The following NCOA3 variants were observed in gnomAD, a reference collection of about 807,000 sequenced individuals.
The protein encoded by NCOA3 is nuclear receptor coactivator 3, also known as CBP-interacting protein.
In NCOA3, 51 loss-of-function variants were observed where a neutral mutation model predicts 158.8. That is an observed-to-expected ratio of 0.32 (90% CI 0.26 to 0.41). The LOEUF is 0.41. NCOA3 is among the 10% of genes least tolerant of loss of function. The pLI, the probability that NCOA3 is intolerant of heterozygous loss-of-function variation, is 1.00. For synonymous variants in NCOA3, 537 were observed against 592.4 expected (o/e 0.91, Z 1.36); for missense variants, 1,510 against 1,746.6 (o/e 0.86, Z 2.41).
chr20:47,568,503 T>A (rs763122892), intron 1 of NCOA3, among the ~76,000 whole-genome samples: 3 of 152,194 alleles, frequency 2.0e-5, no homozygotes, highest in Non-Finnish European at 2.9e-5. Context: ...TATACCTTAA[T>A]TAAAAAAATA....
chr20:47,635,435 T>C lies in NCOA3; in HGVS notation c.1226T>C (p.Leu409Ser), dbSNP rs553781190. Residue 409 changes from leucine to serine, a missense_variant, in exon 11 of 23, where the codon TTA becomes TCA. Coordinates refer to ENST00000371998, the MANE Select transcript of NCOA3 (RefSeq NM_181659.3). ...GGMSMSPNQGLQMPSSRAYGL... is the reference protein window; with the variant it reads ...GGMSMSPNQGSQMPSSRAYGL... ...ATGAGTATGTCGCCAAACCAAGGCTTACAGATGCCGAGCAGCAGGGCCTAT... is the reference window on the plus strand; with the variant it reads ...ATGAGTATGTCGCCAAACCAAGGCTCACAGATGCCGAGCAGCAGGGCCTAT... The C allele has an allele frequency of 2.5e-6, 4 of 1,614,104 alleles. No individual in the cohort carries two copies. The South Asian group carries it at 3.3e-5, about 13-fold the overall frequency.
Position 47,655,400 on chromosome 20 carries a change from T to G in NCOA3, c.*1983T>G, listed in dbSNP as rs1410697952. The G allele has an allele frequency of 1.3e-5, 2 of 152,208 alleles. No individual in the cohort carries two copies. The highest frequency in any genetic ancestry group is 4.8e-5 in the African/African-American group (2 of 41,448). 9.4% of individuals were successfully genotyped at this position (152,208 alleles called of 1,614,324 possible). A position where few individuals can be genotyped will look rare whatever the true frequency, so the allele number is the denominator to read the frequency against. On this transcript the variant is annotated 3_prime_UTR_variant, in exon 23 of 23. Coordinates refer to ENST00000371998, the MANE Select transcript of NCOA3 (RefSeq NM_181659.3). ...TTAAGAATTTCACACATTTAGCCAA[T>G]CTTTCTAGATGTCTCTGAAGGTAAG...
At position 47,652,963 on chromosome 20, in the gene NCOA3, G is replaced by A; in HGVS notation, c.4154G>A (p.Gly1385Glu). The change falls in exon 22 of 23, where the codon GGG (glycine) becomes GAG (glutamate). Residue 1385 changes from glycine to glutamate, a missense_variant. By Grantham distance (98) the Gly-to-Glu change is moderately conservative (BLOSUM62 -2). This residue lies in a region of NCOA3 where 180 missense variants were observed against 199.3 expected (regional missense o/e 0.90). Transcript: ENST00000371998. Reference sequence around the variant, plus strand: ...TCCCAGCAGCAGTTTGCCCACCAGGGGAATCCTGCAGTGTATAGTATGGTG... The same window carrying A: ...TCCCAGCAGCAGTTTGCCCACCAGGAGAATCCTGCAGTGTATAGTATGGTG... ...SFSQQQFAHQ[G>E]NPAVYSMVHM... is the part of the protein sequence containing the mutation. 6.2e-7 allele frequency: 1 copy of A among 1,614,138 alleles called. No individual in the cohort carries two copies. Among genetic ancestry groups the A allele is most frequent in the Non-Finnish European group, 8.5e-7 (1 of 1,180,010 alleles).
chr20:47,511,550 T>TATATATATATATATATATATATACATAC lies in NCOA3; in HGVS notation c.-99+9537_-99+9538insATATATATATATATATACATACATATAT. ...ATATATATATATATATATATATATA[T>TATATATATATATATATATATATACATAC]ATATATTTCTTTTTTTTTTTGAGAC... On this transcript the variant is annotated intron_variant, in intron 1 of 22. Coordinates refer to ENST00000371998, the MANE Select transcript of NCOA3 (RefSeq NM_181659.3). 2.5e-3 allele frequency among the ~76,000 whole-genome samples: 132 copies of TATATATATATATATATATATATACATAC among 52,230 alleles called. 11 individuals carry two copies. Among genetic ancestry groups the TATATATATATATATATATATATACATAC allele is most frequent in the Non-Finnish European group, 4.1e-3 (104 of 25,078 alleles). 34.3% of individuals were successfully genotyped at this position (52,230 alleles called of 152,430 possible). A position where few individuals can be genotyped will look rare whatever the true frequency, so the allele number is the denominator to read the frequency against.
At chr20:47,641,490 CTTTTTTTTTTTTTTTTTTTT>C (rs71183270) in intron 16 of NCOA3, among the ~76,000 whole-genome samples, 1 of 48,342 alleles carries the variant, frequency 2.1e-5, no homozygotes, top group African/African-American at 1.2e-4. Context: ...TGGCTCCCTT[CTTTTTTTTTTTTTTTTTTTT>C]TTTTTTTTGA....
At chr20:47,527,095 A>T (rs1344050410) in intron 1 of NCOA3, among the ~76,000 whole-genome samples, 1 of 152,168 alleles carries the variant, frequency 6.6e-6, no homozygotes, top group East Asian at 1.9e-4. Context: ...GCTTTTATGT[A>T]GTTTGCTTAG....
At chr20:47,633,421 C>T in intron 8 of NCOA3, 75 bp from the exon 9 acceptor site, 3 of 1,384,736 alleles carry the variant, frequency 2.2e-6, no homozygotes, top group Non-Finnish European at 3.0e-6. Flanking sequence ...TTCTCCAGTG[C>T]TAAGCCATGT....
intron 22 of NCOA3, 120 bp from the exon 23 acceptor site, chr20:47,653,286 G>C (rs1278333609): frequency 7.6e-7 from 1 of 1,311,844 alleles, no homozygotes; most frequent in Non-Finnish European, 1.0e-6. Flanking sequence ...TCAGGAACCT[G>C]AATCACTCAG....
At chr20:47,631,789 G>A (rs1440723908) in intron 8 of NCOA3, among the ~76,000 whole-genome samples, 1 of 152,108 alleles carries the variant, frequency 6.6e-6, no homozygotes, top group Non-Finnish European at 1.5e-5. Context: ...CCCTTTACAC[G>A]AAAATGAACT....
At chr20:47,516,696 A>AT (rs1251208795) in intron 1 of NCOA3, among the ~76,000 whole-genome samples, 1 of 151,274 alleles carries the variant, frequency 6.6e-6, no homozygotes, top group Non-Finnish European at 1.5e-5. Flanking sequence ...CGAGGCAGGC[A>AT]TATCATTTGA....
At chr20:47,612,806 T>C (rs2086065706) in intron 2 of NCOA3, among the ~76,000 whole-genome samples, 1 of 152,194 alleles carries the variant, frequency 6.6e-6, no homozygotes, top group Non-Finnish European at 1.5e-5. Context: ...GGTAACTTGA[T>C]TTGGATATGG....
At chr20:47,584,778 G>A (rs2085509071) in intron 2 of NCOA3, among the ~76,000 whole-genome samples, 1 of 152,082 alleles carries the variant, frequency 6.6e-6, no homozygotes, top group South Asian at 2.1e-4. Flanking sequence ...GGCAGAAATA[G>A]AGAAAAATCT....
At chr20:47,649,585 C>T (rs190860416) in intron 19 of NCOA3, among the ~76,000 whole-genome samples, 17 of 151,810 alleles carry the variant, frequency 1.1e-4, no homozygotes, top group African/African-American at 3.4e-4. Context: ...CCTTCTACTT[C>T]CAGCCAGTGG....
intron 8 of NCOA3, among the ~76,000 whole-genome samples, chr20:47,629,531 A>G (rs916069040): frequency 5.3e-5 from 8 of 152,114 alleles, no homozygotes; most frequent in East Asian, 1.9e-4. Flanking sequence ...GGGTTTCACA[A>G]TGTTGGTCAG....
chr20:47,522,029 A>G (rs1371286665), intron 1 of NCOA3, among the ~76,000 whole-genome samples: 8 of 148,294 alleles, frequency 5.4e-5, no homozygotes, highest in African/African-American at 2.0e-4. Flanking sequence ...AACACATTGT[A>G]TATCTTTTCA....
In NCOA3 at chr20:47,577,300, AACTC is replaced by A. The variant is rs1265329793; in HGVS notation, c.-98-5881_-98-5878del. Among the ~76,000 whole-genome samples the A allele has an allele frequency of 3.9e-5, 6 of 152,328 alleles. No individual in the cohort carries two copies. In the East Asian group the frequency reaches 1.2e-3, roughly 29 times the overall value. On this transcript the variant is annotated intron_variant, in intron 1 of 22. Transcript: ENST00000371998. ...TTGTCTTTTGCCTTTATTATGAAGA[AACTC>A]AAATGGCATTTTGGTTATGACAACT...
chr20:47,530,569 T>G (rs998670463), intron 1 of NCOA3, among the ~76,000 whole-genome samples: 1 of 151,888 alleles, frequency 6.6e-6, no homozygotes, highest in Non-Finnish European at 1.5e-5. Flanking sequence ...TTCAAGCATT[T>G]CTTCTGCCTC....
At chr20:47,612,984 G>A (rs1259878578) in intron 2 of NCOA3, among the ~76,000 whole-genome samples, 1 of 152,172 alleles carries the variant, frequency 6.6e-6, no homozygotes, top group African/African-American at 2.4e-5. Flanking sequence ...TCTCTGGGGA[G>A]TTTATGTTTA....
chr20:47,576,800 C>A (rs1053526137), intron 1 of NCOA3, among the ~76,000 whole-genome samples: 2 of 152,176 alleles, frequency 1.3e-5, no homozygotes, highest in African/African-American at 2.4e-5. Context: ...TCTTGTGGAA[C>A]GCCTTCCACT....
Sources: allele counts gnomAD v4.1 joint callset (sites outside exome capture counted in the v4.1 genomes callset), GRCh38; gene constraint gnomAD v4.1.1; regional missense constraint gnomAD v4.1.1; transcripts MANE v1.5; gene names NCBI Gene and HGNC (gene_info 2026-07-23, HGNC 2026-07-21).